SIPA1L3: variants seen among roughly 807,000 people sequenced by gnomAD.
The protein encoded by SIPA1L3 is signal induced proliferation associated 1 like 3.
A neutral mutation model predicts 150.1 loss-of-function variants in SIPA1L3; 59 were observed. The observed-to-expected ratio is 0.39, with a 90% CI of 0.32 to 0.49. The LOEUF (loss-of-function observed/expected upper bound fraction) is 0.49, where lower values mean the gene tolerates loss of function less well. Ranked by LOEUF, SIPA1L3 falls within the 20% of genes least tolerant of loss-of-function variation. The pLI is 0.86. For missense variants in SIPA1L3, 2,211 were observed against 2,489.5 expected (o/e 0.89, Z 2.38); for synonymous variants, 1,070 against 1,077.6 (o/e 0.99, Z 0.14).
chr19:38,110,512 TCC>T, intron 8 of SIPA1L3, 128 bp downstream of exon 8: 1 of 638,102 alleles, frequency 1.6e-6, no homozygotes, highest in Non-Finnish European at 2.6e-6. Flanking sequence ...CGGCGTATAC[TCC>T]CCACACCATC....
At chr19:37,995,578 A>G (rs1967619698) in intron 1 of SIPA1L3, among the ~76,000 whole-genome samples, 1 of 152,150 alleles carries the variant, frequency 6.6e-6, no homozygotes, top group African/African-American at 2.4e-5. Flanking sequence ...AGAACTGTGA[A>G]GAGGGGTGGT....
chr19:38,119,849 G>A lies in SIPA1L3; in HGVS notation c.2835G>A (p.Val945=), dbSNP rs1169013678. ...HIFLQATEGS[V]EDIREIVQRL... ...TCCTACAGGCGACAGAGGGTTCTGTGGAGGACATAAGGGAGATAGTGCAGA... is the reference window on the plus strand; with the variant it reads ...TCCTACAGGCGACAGAGGGTTCTGTAGAGGACATAAGGGAGATAGTGCAGA... The change falls in exon 9 of 22, where the codon GTG becomes GTA. Residue 945 remains valine, a synonymous_variant. Coordinates refer to ENST00000222345, the MANE Select transcript of SIPA1L3 (RefSeq NM_015073.3). 2 of 1,612,462 alleles carry A rather than the reference G, an allele frequency of 1.2e-6. No individual in the cohort carries two copies. Among genetic ancestry groups the A allele is most frequent in the East Asian group, 2.2e-5 (1 of 44,878 alleles).
At chr19:38,103,921 AG>A (rs1416930862) in intron 6 of SIPA1L3, among the ~76,000 whole-genome samples, 19 of 147,132 alleles carry the variant, frequency 1.3e-4, no homozygotes, top group Non-Finnish European at 2.5e-4. Context: ...AAAAAAAAAA[AG>A]GAAAGAAAAA....
At chr19:38,048,516 G>A (rs989075922) in intron 2 of SIPA1L3, among the ~76,000 whole-genome samples, 6 of 152,170 alleles carry the variant, frequency 3.9e-5, no homozygotes, top group African/African-American at 1.4e-4. Context: ...CAACCAGGCC[G>A]GTCAAGTTAC....
At chr19:38,087,674 C>G (rs941040) in intron 3 of SIPA1L3, 24,473 of 152,282 alleles carry the variant, frequency 0.16, 2,094 homozygotes, top group African/African-American at 0.22. Context: ...GACGAGGGAG[C>G]AGGAGGTGTG....
chr19:37,944,137 G>A (rs1012140115), intron 1 of SIPA1L3, among the ~76,000 whole-genome samples: 3 of 152,094 alleles, frequency 2.0e-5, no homozygotes, highest in African/African-American at 7.2e-5. Flanking sequence ...AATTAGCCAG[G>A]TGCAGAGGCA....
chr19:38,166,580 T>C (rs1375073897), intron 15 of SIPA1L3, among the ~76,000 whole-genome samples: 3 of 151,486 alleles, frequency 2.0e-5, no homozygotes, highest in Non-Finnish European at 2.9e-5. Flanking sequence ...GGCACAGAGA[T>C]GGAAAGAGTA....
At chr19:38,114,595 G>A (rs553358722) in intron 8 of SIPA1L3, among the ~76,000 whole-genome samples, 36 of 152,170 alleles carry the variant, frequency 2.4e-4, no homozygotes, top group Non-Finnish European at 4.6e-4. Context: ...AATTTACCTG[G>A]TGTGTGTGGC....
chr19:38,067,579 A>G (rs574623915), intron 2 of SIPA1L3, among the ~76,000 whole-genome samples: 1 of 152,116 alleles, frequency 6.6e-6, no homozygotes, highest in South Asian at 2.1e-4. Flanking sequence ...CCTGGCCAAC[A>G]TGGCAAAACC....
chr19:38,067,818 G>C (rs1969630175), intron 2 of SIPA1L3, among the ~76,000 whole-genome samples: 1 of 151,916 alleles, frequency 6.6e-6, no homozygotes, highest in South Asian at 2.1e-4. Context: ...GACGTTAAAT[G>C]TGGAAGTGCT....
chr19:38,184,827 C>A (rs1188524721), intron 16 of SIPA1L3: 1 of 152,172 alleles, frequency 6.6e-6, no homozygotes, highest in Non-Finnish European at 1.5e-5. Context: ...AGCAGCCTCC[C>A]CATGCTCCCG....
At chr19:37,958,697 C>A (rs2046831689) in intron 1 of SIPA1L3, among the ~76,000 whole-genome samples, 1 of 152,126 alleles carries the variant, frequency 6.6e-6, no homozygotes, top group Admixed American at 6.5e-5. Flanking sequence ...CATTGGACTT[C>A]ATGAAAATTT....
At chr19:37,914,147 C>G (rs1236102311) in intron 1 of SIPA1L3, among the ~76,000 whole-genome samples, 1 of 151,840 alleles carries the variant, frequency 6.6e-6, no homozygotes, top group East Asian at 1.9e-4. Flanking sequence ...CGGTGGTTAC[C>G]TTAGCTTTGA....
chr19:37,937,250 C>T (rs939933296), intron 1 of SIPA1L3, among the ~76,000 whole-genome samples: 1 of 151,984 alleles, frequency 6.6e-6, no homozygotes, highest in African/African-American at 2.4e-5. Flanking sequence ...ATTTTTGGTC[C>T]ATGAAAAAAA....
At chr19:38,151,016 C>T (rs1321613381) in intron 12 of SIPA1L3, among the ~76,000 whole-genome samples, 1 of 152,210 alleles carries the variant, frequency 6.6e-6, no homozygotes, top group Non-Finnish European at 1.5e-5. Flanking sequence ...AACCCAGCAT[C>T]TTGACCACAT....
At chr19:37,943,820 T>C (rs1201065012) in intron 1 of SIPA1L3, among the ~76,000 whole-genome samples, 1 of 152,184 alleles carries the variant, frequency 6.6e-6, no homozygotes, top group Non-Finnish European at 1.5e-5. Flanking sequence ...TAGCGTGGTC[T>C]CCTGTGGAAA....
intron 1 of SIPA1L3, among the ~76,000 whole-genome samples, chr19:37,967,833 A>G (rs2046917888): frequency 6.6e-6 from 1 of 151,980 alleles, no homozygotes; most frequent in Admixed American, 6.6e-5. Flanking sequence ...TAATTTTTGT[A>G]TTTTTGGTAG....
At chr19:38,122,371 C>T (rs533773898) in intron 9 of SIPA1L3, among the ~76,000 whole-genome samples, 6 of 152,316 alleles carry the variant, frequency 3.9e-5, no homozygotes, top group African/African-American at 1.4e-4. Flanking sequence ...AGAGCTTTGG[C>T]ATCAGCCTGG....
intron 4 of SIPA1L3, among the ~76,000 whole-genome samples, chr19:38,094,344 G>A (rs1167587218): frequency 2.0e-5 from 3 of 152,072 alleles, no homozygotes; most frequent in Non-Finnish European, 4.4e-5. Context: ...GAATTCCCGG[G>A]CTCAAGCGAT....
Sources: allele counts gnomAD v4.1 joint callset (sites outside exome capture counted in the v4.1 genomes callset), GRCh38; gene constraint gnomAD v4.1.1; transcripts MANE v1.5; gene names NCBI Gene and HGNC (gene_info 2026-07-23, HGNC 2026-07-21).